MACROD2: variants seen among roughly 807,000 people sequenced by gnomAD.
The protein encoded by MACROD2 is ADP-ribose glycohydrolase MACROD2.
A neutral mutation model predicts 70.4 loss-of-function variants in MACROD2; 36 were observed. That is an observed-to-expected ratio of 0.51 (90% confidence interval 0.39 to 0.68). The LOEUF is 0.68. Among genes scored for constraint, MACROD2 ranks in the 30% least tolerant of loss-of-function variants. MACROD2 has a pLI of 0.00. For synonymous variants in MACROD2, 172 were observed against 178.8 expected (o/e 0.96, Z 0.30); for missense variants, 496 against 538.4 (o/e 0.92, Z 0.78).
At chr20:14,828,832 CAG>C (rs2072930133) in intron 5 of MACROD2, among the ~76,000 whole-genome samples, 1 of 151,958 alleles carries the variant, frequency 6.6e-6, no homozygotes, top group African/African-American at 2.4e-5. Flanking sequence ...CATCTTAAGT[CAG>C]ATAATTTTAT....
intron 3 of MACROD2, among the ~76,000 whole-genome samples, chr20:14,382,334 A>G (rs1312681161): frequency 2.2e-5 from 3 of 138,544 alleles, no homozygotes; most frequent in Non-Finnish European, 4.9e-5. Flanking sequence ...TGCTGGGATT[A>G]TAGGCGTGAG....
In MACROD2 at chr20:14,620,270, C is replaced by T. The variant is rs1055758702; in HGVS notation, c.302-64573C>T. ...TATTCTTTCCTCCTGTCCAAGTGAC[C>T]CATATGTTTATGGCTCTGTCAGTCT... On this transcript the variant is annotated intron_variant, in intron 4 of 17. Transcript: ENST00000684519. Among the ~76,000 whole-genome samples the T allele has an allele frequency of 7.9e-5, 12 of 151,922 alleles. No homozygotes were observed. In the East Asian group the frequency reaches 2.3e-3, roughly 30 times the overall value.
chr20:15,400,719 A>T (rs1159806299), intron 6 of MACROD2, among the ~76,000 whole-genome samples: 1 of 152,170 alleles, frequency 6.6e-6, no homozygotes, highest in Admixed American at 6.5e-5. Flanking sequence ...ACCTTTGGTT[A>T]TTCATCCTAT....
At chr20:14,286,033 G>T (rs1246340313) in intron 3 of MACROD2, among the ~76,000 whole-genome samples, 1 of 151,162 alleles carries the variant, frequency 6.6e-6, no homozygotes, top group Non-Finnish European at 1.5e-5. Flanking sequence ...TTCTACACAG[G>T]AACACTGTTA....
At chr20:14,819,870 G>A (rs2072821018) in intron 5 of MACROD2, among the ~76,000 whole-genome samples, 1 of 152,038 alleles carries the variant, frequency 6.6e-6, no homozygotes, top group South Asian at 2.1e-4. Flanking sequence ...AGAAGCCGAG[G>A]AGATGGAAGC....
intron 3 of MACROD2, among the ~76,000 whole-genome samples, chr20:14,198,815 G>A (rs1222904547): frequency 1.3e-5 from 2 of 151,962 alleles, no homozygotes; most frequent in East Asian, 3.9e-4. Flanking sequence ...AGTACCCTTT[G>A]TATTACCTTT....
chr20:15,085,371 A>C (rs1478859181), intron 5 of MACROD2, among the ~76,000 whole-genome samples: 1 of 152,166 alleles, frequency 6.6e-6, no homozygotes, highest in Non-Finnish European at 1.5e-5. Context: ...AGCACAAGCA[A>C]GAAAAGAAAA....
At chr20:14,988,512 A>C (rs1008270609) in intron 5 of MACROD2, among the ~76,000 whole-genome samples, 1 of 152,180 alleles carries the variant, frequency 6.6e-6, no homozygotes, top group Non-Finnish European at 1.5e-5. Flanking sequence ...GATTGTCTTC[A>C]AGAAACAGGA....
chr20:15,609,289 G>A (rs966853028), intron 8 of MACROD2, among the ~76,000 whole-genome samples: 1 of 152,128 alleles, frequency 6.6e-6, no homozygotes, highest in Non-Finnish European at 1.5e-5. Context: ...CTTATTAATG[G>A]TATCTTTGTT....
At chr20:15,266,608 C>T (rs928578233) in intron 6 of MACROD2, among the ~76,000 whole-genome samples, 2 of 152,344 alleles carry the variant, frequency 1.3e-5, no homozygotes, top group African/African-American at 4.8e-5. Flanking sequence ...TTCTTTCTCT[C>T]TAAACCATTC....
chr20:14,820,549 G>A (rs2072831886), intron 5 of MACROD2, among the ~76,000 whole-genome samples: 1 of 151,878 alleles, frequency 6.6e-6, no homozygotes, highest in Admixed American at 6.6e-5. Flanking sequence ...CATCACCAGT[G>A]TAATTAAGTG....
intron 3 of MACROD2, among the ~76,000 whole-genome samples, chr20:14,231,670 G>A (rs2081814173): frequency 6.6e-6 from 1 of 152,158 alleles, no homozygotes; most frequent in Admixed American, 6.5e-5. Flanking sequence ...TGGGATGGCT[G>A]GGTTAAATGG....
At chr20:15,439,883 T>G (rs1472713001) in intron 7 of MACROD2, among the ~76,000 whole-genome samples, 1 of 152,156 alleles carries the variant, frequency 6.6e-6, no homozygotes, top group Non-Finnish European at 1.5e-5. Flanking sequence ...GATGAGGCTT[T>G]CAGGGCTTGA....
chr20:14,803,399 A>C (rs758711702), intron 5 of MACROD2, among the ~76,000 whole-genome samples: 1 of 152,112 alleles, frequency 6.6e-6, no homozygotes, highest in Non-Finnish European at 1.5e-5. Context: ...CAGAATTTGT[A>C]TATACTCAGG....
intron 5 of MACROD2, among the ~76,000 whole-genome samples, chr20:15,197,226 A>G (rs1157801743): frequency 6.6e-6 from 1 of 152,118 alleles, no homozygotes; most frequent in Non-Finnish European, 1.5e-5. Context: ...TTTGGTTTCA[A>G]TGTTCATCAT....
At chr20:14,360,278 C>G (rs1044017530) in intron 3 of MACROD2, among the ~76,000 whole-genome samples, 14 of 151,984 alleles carry the variant, frequency 9.2e-5, no homozygotes, top group African/African-American at 2.9e-4. Context: ...ATTATTCTAC[C>G]CACAATCAGC....
intron 5 of MACROD2, among the ~76,000 whole-genome samples, chr20:15,114,931 GA>G (rs1338005477): frequency 2.0e-5 from 3 of 152,118 alleles, no homozygotes; most frequent in African/African-American, 7.2e-5. Flanking sequence ...TAAGAAGAAT[GA>G]AAAAGAGGCT....
intron 8 of MACROD2, among the ~76,000 whole-genome samples, chr20:15,510,273 G>C (rs1463547617): frequency 6.6e-6 from 1 of 152,166 alleles, no homozygotes; most frequent in African/African-American, 2.4e-5. Context: ...ACAACACTGG[G>C]AGGTCCTACT....
At chr20:14,308,526 A>C (rs1441987950) in intron 3 of MACROD2, among the ~76,000 whole-genome samples, 1 of 152,150 alleles carries the variant, frequency 6.6e-6, no homozygotes, top group Non-Finnish European at 1.5e-5. Flanking sequence ...AATAGCATGA[A>C]ATCAGGCAAA....
Sources: allele counts gnomAD v4.1 joint callset (sites outside exome capture counted in the v4.1 genomes callset), GRCh38; gene constraint gnomAD v4.1.1; transcripts MANE v1.5; gene names NCBI Gene and HGNC (gene_info 2026-07-23, HGNC 2026-07-21).